Variants in AKAP12 observed in about 807,000 individuals in gnomAD.
The protein encoded by AKAP12 is A-kinase anchoring protein 12.
In AKAP12, 32 loss-of-function variants were observed where a neutral mutation model predicts 79.9. That is an observed-to-expected ratio of 0.40 (90% CI 0.30 to 0.54). AKAP12 has a LOEUF of 0.54. Ranked by LOEUF, AKAP12 falls within the 20% of genes least tolerant of loss-of-function variation. The probability of loss-of-function intolerance (pLI) is 0.48; values close to 1 mark genes in which losing one functional copy is unlikely to be tolerated. For synonymous variants in AKAP12, 808 were observed against 857.0 expected (o/e 0.94, Z 1.00); for missense variants, 2,074 against 2,177.0 (o/e 0.95, Z 0.94).
At chr6:151,281,471 C>T (rs890411088) in intron 2 of AKAP12, among the ~76,000 whole-genome samples, 7 of 152,108 alleles carry the variant, frequency 4.6e-5, no homozygotes, top group Admixed American at 3.3e-4. Flanking sequence ...ATTTAGTGCC[C>T]ACTTTATCTT....
At chr6:151,291,570 C>G (rs1414320718) in intron 2 of AKAP12, among the ~76,000 whole-genome samples, 2 of 152,136 alleles carry the variant, frequency 1.3e-5, no homozygotes, top group African/African-American at 4.8e-5. Flanking sequence ...GGGCTGGATT[C>G]GCGTCACTTA....
At chr6:151,309,488 A>AT (rs111383550) in intron 3 of AKAP12, among the ~76,000 whole-genome samples, 8 of 152,002 alleles carry the variant, frequency 5.3e-5, no homozygotes, top group Non-Finnish European at 1.0e-4. Flanking sequence ...TAGAGGTGAA[A>AT]TTTTTTTTCC....
intron 3 of AKAP12, among the ~76,000 whole-genome samples, chr6:151,338,730 C>T (rs1213090273): frequency 1.3e-5 from 2 of 152,174 alleles, no homozygotes; most frequent in South Asian, 2.1e-4. Flanking sequence ...GGATTACAGG[C>T]GTGAGCCGCT....
At chr6:151,276,539 C>T (rs962329315) in intron 2 of AKAP12, among the ~76,000 whole-genome samples, 4 of 152,238 alleles carry the variant, frequency 2.6e-5, no homozygotes, top group Non-Finnish European at 4.4e-5. Flanking sequence ...GCTTAGTCAA[C>T]GGTCTGGCTG....
chr6:151,254,793 C>T (rs1322251377), intron 2 of AKAP12, among the ~76,000 whole-genome samples: 2 of 152,178 alleles, frequency 1.3e-5, no homozygotes, highest in African/African-American at 4.8e-5. Flanking sequence ...AGAGGGCTTA[C>T]AATTTTATCT....
At chr6:151,245,075 C>A (rs1242192790) in intron 2 of AKAP12, among the ~76,000 whole-genome samples, 1 of 152,072 alleles carries the variant, frequency 6.6e-6, no homozygotes, top group Non-Finnish European at 1.5e-5. Flanking sequence ...AGATAATTAA[C>A]AAAATGGAAA....
intron 3 of AKAP12, among the ~76,000 whole-genome samples, chr6:151,321,915 T>G (rs1322431227): frequency 6.2e-5 from 9 of 145,740 alleles, no homozygotes; most frequent in African/African-American, 2.4e-4. Context: ...TTTTTTTTTT[T>G]TTTTTTTTTT....
At chr6:151,301,667 C>T (rs992503281) in intron 2 of AKAP12, among the ~76,000 whole-genome samples, 4 of 152,240 alleles carry the variant, frequency 2.6e-5, no homozygotes, top group Admixed American at 6.5e-5. Context: ...CCATTTTGTG[C>T]GGATGTTGGT....
intron 2 of AKAP12, among the ~76,000 whole-genome samples, chr6:151,259,927 C>A (rs184946106): frequency 6.6e-6 from 1 of 151,022 alleles, no homozygotes; most frequent in African/African-American, 2.4e-5. Context: ...TTGCACAAAG[C>A]ATTAACAATG....
intron 2 of AKAP12, among the ~76,000 whole-genome samples, chr6:151,276,357 T>C (rs555855387): frequency 2.0e-5 from 3 of 152,358 alleles, no homozygotes; most frequent in African/African-American, 7.2e-5. Context: ...GTGGCAAATT[T>C]AGATTCCTTC....
At chr6:151,297,742 G>A (rs912504825) in intron 2 of AKAP12, among the ~76,000 whole-genome samples, 1 of 152,100 alleles carries the variant, frequency 6.6e-6, no homozygotes, top group Non-Finnish European at 1.5e-5. Context: ...CTACCGAGCT[G>A]TTTCTAATTT....
chr6:151,271,841 G>A (rs1032577243), intron 2 of AKAP12, among the ~76,000 whole-genome samples: 21 of 151,366 alleles, frequency 1.4e-4, no homozygotes, highest in Non-Finnish European at 2.9e-4. Context: ...TGTATTTTTA[G>A]TAGAGACGGG....
At chr6:151,326,451 C>T (rs1388543537) in intron 3 of AKAP12, among the ~76,000 whole-genome samples, 2 of 140,576 alleles carry the variant, frequency 1.4e-5, no homozygotes, top group Admixed American at 7.4e-5. Flanking sequence ...ATTATAAAAT[C>T]GGTGGCTAGG....
Position 151,290,120 on chromosome 6 carries a change from A to G in AKAP12, c.163-15627A>G, listed in dbSNP as rs539114167. Among the ~76,000 whole-genome samples, 3 of 152,324 alleles carry G rather than the reference A, an allele frequency of 2.0e-5. No homozygotes were observed. The East Asian group carries it at 5.8e-4, about 29-fold the overall frequency. On this transcript the variant is annotated intron_variant, in intron 2 of 4. Coordinates refer to ENST00000402676, the MANE Select transcript of AKAP12 (RefSeq NM_005100.4). ...ACACAAATGTGTTCTTAGAATAGTC[A>G]TCATTTCTTTGTGGGAAACATTATT...
intron 2 of AKAP12, among the ~76,000 whole-genome samples, chr6:151,250,801 T>C (rs2114684017): frequency 6.6e-6 from 1 of 151,774 alleles, no homozygotes; most frequent in Admixed American, 6.6e-5. Flanking sequence ...GAGATGGGGG[T>C]TTCACCGTGT....
chr6:151,260,397 T>C (rs1358054531), intron 2 of AKAP12, among the ~76,000 whole-genome samples: 1 of 152,210 alleles, frequency 6.6e-6, no homozygotes, highest in Non-Finnish European at 1.5e-5. Context: ...ATCACTGCAG[T>C]GTGACAGGGG....
intron 2 of AKAP12, among the ~76,000 whole-genome samples, chr6:151,298,465 C>G (rs1411913663): frequency 6.6e-6 from 1 of 152,078 alleles, no homozygotes. Flanking sequence ...TAATATGTTC[C>G]TGGTGATGTT....
chr6:151,266,978 C>G (rs1776047351), intron 2 of AKAP12, among the ~76,000 whole-genome samples: 3 of 137,882 alleles, frequency 2.2e-5, no homozygotes. Flanking sequence ...GATCGCGCCA[C>G]TGCACCAGCC....
chr6:151,283,760 A>G (rs1177940326), intron 2 of AKAP12, among the ~76,000 whole-genome samples: 1 of 152,348 alleles, frequency 6.6e-6, no homozygotes, highest in Non-Finnish European at 1.5e-5. Flanking sequence ...AAGCAATGTC[A>G]GGTGTTTTTC....
Sources: gnomAD v4.1 joint callset for allele counts (sites outside exome capture counted in the v4.1 genomes callset) on GRCh38, gnomAD v4.1.1 for gene constraint, MANE v1.5 for transcripts, NCBI Gene and HGNC (gene_info 2026-07-23, HGNC 2026-07-21) for gene names.